The following RNF213 variants were observed in gnomAD, a reference collection of about 807,000 sequenced individuals.
RNF213 encodes the protein E3 ubiquitin-protein ligase RNF213.
Under a neutral mutation model 514.4 loss-of-function variants are expected in RNF213, and 341 were observed. The ratio of observed to expected loss-of-function variants is 0.66; its 90% CI spans 0.61 to 0.73. The LOEUF (loss-of-function observed/expected upper bound fraction) is 0.73. Ranked by LOEUF, RNF213 falls within the 30% of genes least tolerant of loss-of-function variation. The probability of loss-of-function intolerance (pLI) is 0.00; values close to 1 mark genes in which losing one functional copy is unlikely to be tolerated. For synonymous variants in RNF213, 2,655 were observed against 2,658.2 expected (o/e 1.00, Z 0.04); for missense variants, 5,767 against 6,615.6 (o/e 0.87, Z 4.45).
chr17:80,380,494 C>T (rs1168623441), intron 55 of RNF213, among the ~76,000 whole-genome samples: 1 of 152,194 alleles, frequency 6.6e-6, no homozygotes, highest in African/African-American at 2.4e-5. Flanking sequence ...TCCTCCCAAA[C>T]TCTAGCTGTT....
Position 80,339,770 on chromosome 17 carries a change from C to T in RNF213, c.5403C>T (p.Thr1801=), listed in dbSNP as rs994527770. The T allele has an allele frequency of 6.5e-7, 1 of 1,536,184 alleles. No homozygotes were observed. The highest frequency in any genetic ancestry group is 8.7e-7 in the Non-Finnish European group (1 of 1,146,078). ...TGCCCGACTGCCTCGACCTAGAGAC[C>T]CTTGGCCACTGTCTGGCTCACCTGG... is the stretch of plus-strand genomic sequence containing the variant. ...AFLPDCLDLE[T]LGHCLAHLAG... The change falls in exon 26 of 68, where the codon ACC becomes ACT. Residue 1801 remains threonine (T), a synonymous_variant. Transcript: ENST00000582970.
At chr17:80,315,740 T>TGGAGGTAATGGA (rs2045900915) in intron 15 of RNF213, 1 of 43,994 alleles carries the variant, frequency 2.3e-5, no homozygotes, top group Non-Finnish European at 4.6e-5. Flanking sequence ...GAGGTGATGG[T>TGGAGGTAATGGA]GGTGGTGGTG....
At chr17:80,354,279 A>G in intron 35 of RNF213, 113 bp downstream of exon 35, 1 of 1,500,340 alleles carries the variant, frequency 6.7e-7, no homozygotes, top group East Asian at 2.3e-5. Context: ...ATGGCTCAGC[A>G]GAAGCAGTGA....
At position 80,368,055 on chromosome 17, in the gene RNF213, G is replaced by T; in HGVS notation, c.12067G>T (p.Ala4023Ser). The T allele has an allele frequency of 6.2e-7, 1 of 1,614,236 alleles. No individual in the cohort carries two copies. The stretch of plus-strand genomic sequence containing the variant: ...CGTGCACTGCCTGCGCTGCCTCAGG[G>T]CCTGGTTTGCCTCAGAGCAGATGAT... ...DHVHCLRCLR[A>S]WFASEQMICP... Residue 4023 changes from alanine (A) to serine (S), a missense_variant, in exon 44 of 68, where the codon GCC becomes TCC. This residue lies in a region of RNF213 where 25 missense variants were observed against 53.1 expected (regional missense o/e 0.47). Coordinates refer to ENST00000582970, the MANE Select transcript of RNF213 (RefSeq NM_001256071.3).
rs746803814 is a variant in RNF213, at chr17:80,347,102, C to G, written c.8767C>G (p.Leu2923Val). 6.2e-7 allele frequency: 1 copy of G among 1,614,132 alleles called. No individual in the cohort carries two copies. Among genetic ancestry groups the G allele is most frequent in the South Asian group, 1.1e-5 (1 of 91,076 alleles). ...CAAGGGCATCTGCTCCTCAGACATC[C>G]TCGTCCAGGACCGAGTCCAAGGGTA... ...SAKGICSSDI[L>V]VQDRVQGYFA... is the part of the protein sequence containing the mutation. The change falls in exon 29 of 68, where the codon CTC becomes GTC. Residue 2923 changes from leucine (L) to valine (V), a missense_variant. Coordinates refer to ENST00000582970, the MANE Select transcript of RNF213 (RefSeq NM_001256071.3). The surrounding 1 kb of genome is among the most constrained non-coding windows in gnomAD (Gnocchi z 7.2).
At position 80,329,414 on chromosome 17, in the gene RNF213, A is replaced by G. The variant is rs1179723542; in HGVS notation, c.3517+937A>G. Among the ~76,000 whole-genome samples, 3 of 152,264 alleles carry G rather than the reference A, an allele frequency of 2.0e-5. No individual in the cohort carries two copies. In the East Asian group the frequency reaches 5.8e-4, roughly 29 times the overall value. ...TCCACAGTGTGGCTATGTATGGAGA[A>G]GTCCGATGCAGTGCCAGTTACACAT... On this transcript the variant is annotated intron_variant, in intron 20 of 67. Coordinates refer to ENST00000582970, the MANE Select transcript of RNF213 (RefSeq NM_001256071.3).
intron 2 of RNF213, among the ~76,000 whole-genome samples, chr17:80,265,594 G>A (rs1442250466): frequency 6.6e-6 from 1 of 152,188 alleles, no homozygotes; most frequent in Non-Finnish European, 1.5e-5. Context: ...TCAGGGATTC[G>A]ATGTCTGGGC....
At chr17:80,392,475 T>C (rs1051684996) in intron 67 of RNF213, among the ~76,000 whole-genome samples, 1 of 152,198 alleles carries the variant, frequency 6.6e-6, no homozygotes, top group African/African-American at 2.4e-5. Context: ...GCTTGCTCCG[T>C]GGGCTTCTGT....
intron 36 of RNF213, 97 bp from the exon 37 acceptor site, chr17:80,358,191 T>C: frequency 9.9e-7 from 1 of 1,013,688 alleles, no homozygotes; most frequent in South Asian, 1.3e-5. Context: ...ACTAGTTGTT[T>C]TGTTAATGCT....
chr17:80,362,825 T>C (rs2079104927), intron 39 of RNF213, among the ~76,000 whole-genome samples: 2 of 152,180 alleles, frequency 1.3e-5, no homozygotes, highest in South Asian at 4.1e-4. Context: ...GTATGATGGG[T>C]TATTGAGCAG....
rs1162488514 is a variant in RNF213 at position 80,264,355 on chromosome 17, G to C, written c.97+577G>C. On this transcript the variant is annotated intron_variant, in intron 2 of 67. Coordinates refer to ENST00000582970, the MANE Select transcript of RNF213 (RefSeq NM_001256071.3). The surrounding 1 kb of genome is among the most constrained non-coding windows in gnomAD (Gnocchi z 5.0). ...CCAGGACCTGTCCAGGCACCTCCCTGGCTCGGGAGGCCAGTGGAGAGACAG... is the reference window on the plus strand; with the variant it reads ...CCAGGACCTGTCCAGGCACCTCCCTCGCTCGGGAGGCCAGTGGAGAGACAG... 6.6e-6 allele frequency among the ~76,000 whole-genome samples: 1 copy of C among 152,108 alleles called. No individual in the cohort carries two copies. The highest frequency in any genetic ancestry group is 1.5e-5 in the Non-Finnish European group (1 of 68,006).
Position 80,373,189 on chromosome 17 carries a change from C to T in RNF213, c.12942+24C>T, listed in dbSNP as rs766905174. ...AGGTGAGAAGCGGGGCCGGGCAGCA[C>T]ACAAACATGCACCCCCACAGCCCCA... is the stretch of plus-strand genomic sequence containing the variant. On this transcript the variant is annotated intron_variant, in intron 49 of 67. Transcript: ENST00000582970. The T allele has an allele frequency of 2.5e-6, 4 of 1,597,248 alleles. No homozygotes were observed. The Admixed American group carries it at 5.0e-5, about 20-fold the overall frequency.
At chr17:80,327,199 T>C (rs2046302211) in intron 18 of RNF213, among the ~76,000 whole-genome samples, 1 of 152,212 alleles carries the variant, frequency 6.6e-6, no homozygotes, top group Non-Finnish European at 1.5e-5. Flanking sequence ...GTGTATTCTA[T>C]TTAAAAAATA....
chr17:80,323,342 T>G (rs920816391), intron 17 of RNF213, among the ~76,000 whole-genome samples: 1 of 152,222 alleles, frequency 6.6e-6, no homozygotes, highest in African/African-American at 2.4e-5. Flanking sequence ...TTTGTTCTTA[T>G]TTTTCAAGAT....
chr17:80,353,700 T>C lies in RNF213; in HGVS notation c.10578+34T>C. The C allele has an allele frequency of 1.2e-6, 2 of 1,613,696 alleles. No homozygotes were observed. Among genetic ancestry groups the C allele is most frequent in the Non-Finnish European group, 1.7e-6 (2 of 1,179,602 alleles). ...TGGTTCTTGGGACCTCCCCTTGTGC[T>C]GCTGGTGATGCTTCTGAGCTGCATC... On this transcript the variant is annotated intron_variant, in intron 34 of 67. Coordinates refer to ENST00000582970, the MANE Select transcript of RNF213 (RefSeq NM_001256071.3). The surrounding 1 kb of genome is among the most constrained non-coding windows in gnomAD (Gnocchi z 5.0).
Position 80,291,826 on chromosome 17 carries a change from A to C in RNF213, c.1470A>C (p.Gly490=), listed in dbSNP as rs762792724. ...LFIKSSLLGS[G]DWHQYYDIVY... ...TAAAATCTTCACTTCTGGGCTCAGG[A>C]GGTAAGTCGTGGCAGCAGGCTGTCT... The change falls in exon 8 of 68, where the codon GGA becomes GGC. Residue 490 remains glycine, a splice_region_variant and synonymous_variant. Coordinates refer to ENST00000582970, the MANE Select transcript of RNF213 (RefSeq NM_001256071.3). The C allele has an allele frequency of 1.9e-6, 3 of 1,614,102 alleles. No individual in the cohort carries two copies. Among genetic ancestry groups the C allele is most frequent in the Admixed American group, 3.3e-5 (2 of 60,010 alleles).
intron 38 of RNF213, among the ~76,000 whole-genome samples, chr17:80,361,442 C>T (rs1224192321): frequency 1.1e-4 from 17 of 152,118 alleles, no homozygotes; most frequent in Non-Finnish European, 4.4e-5. Context: ...ATCACTTGAA[C>T]CTGGGAGGCG....
intron 11 of RNF213, among the ~76,000 whole-genome samples, chr17:80,304,402 AG>A (rs1394678399): frequency 6.6e-6 from 1 of 152,124 alleles, no homozygotes; most frequent in African/African-American, 2.4e-5. Flanking sequence ...GCACTTTGGG[AG>A]GCCAAGGCAG....
rs140757899 is a variant in RNF213, at chr17:80,345,637, C to T, written c.7302C>T (p.Ser2434=). The stretch of plus-strand genomic sequence containing the variant: ...AAACCAGGCTTATTAAATTCCTTAG[C>T]GACCTGCGGCGTGGTGGTACCAATG... ...CGKTRLIKFL[S]DLRRGGTNAD... is the part of the protein sequence containing the mutation. The change falls in exon 29 of 68, where the codon AGC becomes AGT. Residue 2434 remains serine, a synonymous_variant. Transcript: ENST00000582970. This position sits in a 1 kb window ranked among gnomAD's most constrained non-coding sequence, Gnocchi z 6.0. 4.7e-4 allele frequency: 752 copies of T among 1,614,146 alleles called. 2 individuals carry two copies. The highest frequency in any genetic ancestry group is 3.2e-3 in the South Asian group (295 of 91,086).
Sources: gnomAD v4.1 joint callset for allele counts (sites outside exome capture counted in the v4.1 genomes callset) on GRCh38, gnomAD v4.1.1 for gene constraint, gnomAD v4.1.1 regional missense constraint, Gnocchi (gnomAD v3.1) non-coding constraint, MANE v1.5 for transcripts, NCBI Gene and HGNC (gene_info 2026-07-23, HGNC 2026-07-21) for gene names.